The following GPR19 variants were observed in gnomAD, a reference collection of about 807,000 sequenced individuals.
GPR19 encodes G protein-coupled receptor 19.
Under a neutral mutation model 28.5 loss-of-function variants are expected in GPR19, and 14 were observed. That is an observed-to-expected ratio of 0.49 (90% confidence interval 0.32 to 0.77). The LOEUF is 0.77. Ranked by LOEUF, GPR19 falls within the 30% of genes least tolerant of loss-of-function variation. The pLI is 0.03. For synonymous variants in GPR19, 173 were observed against 184.1 expected (o/e 0.94, Z 0.49); for missense variants, 409 against 504.1 (o/e 0.81, Z 1.81).
chr12:12,686,079 C>T (rs1045520047), intron 2 of GPR19, among the ~76,000 whole-genome samples: 1 of 152,186 alleles, frequency 6.6e-6, no homozygotes. Flanking sequence ...TACAAACTGG[C>T]TATACATTTG....
chr12:12,664,793 G>A (rs1219612970), intron 3 of GPR19, among the ~76,000 whole-genome samples: 1 of 151,886 alleles, frequency 6.6e-6, no homozygotes, highest in East Asian at 1.9e-4. Flanking sequence ...GGTGGCAGGC[G>A]CCTGTGGTCC....
At chr12:12,675,814 G>A (rs1020930702) in intron 3 of GPR19, among the ~76,000 whole-genome samples, 6 of 152,124 alleles carry the variant, frequency 3.9e-5, no homozygotes, top group African/African-American at 7.2e-5. Flanking sequence ...GAGCCTGGAA[G>A]GGCAGTCAAC....
In GPR19 at chr12:12,661,731, T is replaced by G; in HGVS notation, c.718A>C (p.Ile240Leu). Residue 240 changes from isoleucine (I) to leucine (L), a missense_variant, in exon 4 of 4, where the codon ATT (isoleucine) becomes CTT (leucine). By Grantham distance (5) the Ile-to-Leu change is conservative (BLOSUM62 2). Coordinates refer to ENST00000651487, the MANE Select transcript of GPR19 (RefSeq NM_006143.3). The surrounding 1 kb of genome is among the most constrained non-coding windows in gnomAD (Gnocchi z 4.2). ...TTTATGACCTTTTGGTAAAATAAAA[T>G]TATGAGGACAGATGGAATCACAAAG... ...VGFVIPSVLI[I>L]LFYQKVIKYI... The G allele has an allele frequency of 1.2e-6, 2 of 1,614,068 alleles. No individual in the cohort carries two copies. Among genetic ancestry groups the G allele is most frequent in the South Asian group, 2.2e-5 (2 of 91,070 alleles).
At chr12:12,702,761 C>G in the GPR19 span, among the ~76,000 whole-genome samples, 1 of 152,200 alleles carries the variant, frequency 6.6e-6, no homozygotes. Flanking sequence ...AAATAATGGT[C>G]ATAATGAACT....
At chr12:12,681,440 C>G (rs1326210963) in intron 3 of GPR19, among the ~76,000 whole-genome samples, 1 of 152,246 alleles carries the variant, frequency 6.6e-6, no homozygotes, top group Non-Finnish European at 1.5e-5. Flanking sequence ...GGGGAAGCCT[C>G]TCCACTTTCT....
chr12:12,697,226 C>T (rs1387612351), upstream of GPR19, among the ~76,000 whole-genome samples: 1 of 142,452 alleles, frequency 7.0e-6, no homozygotes. Flanking sequence ...AAGCATTAAC[C>T]CAAGAAAGCA....
chr12:12,703,218 G>C, the GPR19 span: 1 of 184,068 alleles, frequency 5.4e-6, no homozygotes, highest in African/African-American at 2.4e-5. Context: ...AATGAGCTTG[G>C]CTGAGGTTAG....
At chr12:12,687,369 A>G (rs1051744896) in intron 2 of GPR19, among the ~76,000 whole-genome samples, 9 of 152,324 alleles carry the variant, frequency 5.9e-5, no homozygotes, top group African/African-American at 1.4e-4. Flanking sequence ...GTTCTGTACT[A>G]TAGACCTCTG....
chr12:12,712,354 C>T, the GPR19 span, among the ~76,000 whole-genome samples: 1 of 152,224 alleles, frequency 6.6e-6, no homozygotes, highest in Non-Finnish European at 1.5e-5. Context: ...ATCCAAACTC[C>T]AGAGCTCCAA....
chr12:12,698,776 A>C (rs7969108), upstream of GPR19, among the ~76,000 whole-genome samples: 3,938 of 151,880 alleles, frequency 0.026, 164 homozygotes, highest in African/African-American at 0.09. Flanking sequence ...ACGCCCGGCT[A>C]ATTTTTTGTA....
chr12:12,687,477 C>G (rs1357783382), intron 2 of GPR19, among the ~76,000 whole-genome samples: 1 of 152,202 alleles, frequency 6.6e-6, no homozygotes, highest in Non-Finnish European at 1.5e-5. Flanking sequence ...CATTCTAAAA[C>G]TGCTTTTCTG....
At chr12:12,700,325 T>C (rs967634), upstream of GPR19, among the ~76,000 whole-genome samples, 142,759 of 152,124 alleles carry the variant, frequency 0.94, 67,607 homozygotes, top group East Asian at 1. Flanking sequence ...GAAGCTGGAA[T>C]CACAGGCATG....
At chr12:12,676,458 G>C (rs1945932304) in intron 3 of GPR19, among the ~76,000 whole-genome samples, 1 of 152,194 alleles carries the variant, frequency 6.6e-6, no homozygotes, top group Non-Finnish European at 1.5e-5. Context: ...TGGGAGGAGA[G>C]GGAAGTTGTT....
At chr12:12,675,207 C>T (rs79913733) in intron 3 of GPR19, among the ~76,000 whole-genome samples, 4,674 of 152,098 alleles carry the variant, frequency 0.031, 238 homozygotes, top group African/African-American at 0.11. Flanking sequence ...GACAAAAGAA[C>T]CTAAATCATC....
At chr12:12,698,838 C>T (rs1456881845), upstream of GPR19, among the ~76,000 whole-genome samples, 1 of 151,888 alleles carries the variant, frequency 6.6e-6, no homozygotes, top group East Asian at 1.9e-4. Context: ...TCTCAAATTC[C>T]TGACCTCGTG....
intron 2 of GPR19, among the ~76,000 whole-genome samples, chr12:12,686,974 A>G (rs1946106652): frequency 6.6e-6 from 1 of 152,268 alleles, no homozygotes; most frequent in African/African-American, 2.4e-5. Context: ...TACATAATAT[A>G]CTAATTCTGC....
At chr12:12,674,485 G>A (rs1945903225) in intron 3 of GPR19, among the ~76,000 whole-genome samples, 1 of 152,082 alleles carries the variant, frequency 6.6e-6, no homozygotes, top group South Asian at 2.1e-4. Context: ...AAAATATTAT[G>A]GAGACAGAGC....
chr12:12,705,707 A>C, the GPR19 span, among the ~76,000 whole-genome samples: 1 of 151,308 alleles, frequency 6.6e-6, no homozygotes, highest in Non-Finnish European at 1.5e-5. Context: ...ACCACCACAC[A>C]CCCAGCTGAT....
intron 3 of GPR19, among the ~76,000 whole-genome samples, chr12:12,670,037 A>G (rs77598303): frequency 0.016 from 2,449 of 152,212 alleles, 69 homozygotes; most frequent in African/African-American, 0.055. Context: ...AGCTGAGAAA[A>G]GACTGATATG....
Sources: allele counts gnomAD v4.1 joint callset (sites outside exome capture counted in the v4.1 genomes callset), GRCh38; gene constraint gnomAD v4.1.1; non-coding constraint Gnocchi (gnomAD v3.1); transcripts MANE v1.5; gene names NCBI Gene and HGNC (gene_info 2026-07-23, HGNC 2026-07-21).